STXBP5L: variants seen among roughly 807,000 people sequenced by gnomAD.
STXBP5L encodes the protein syntaxin binding protein 5L.
Under a neutral mutation model 144.5 loss-of-function variants are expected in STXBP5L, and 65 were observed. The ratio of observed to expected loss-of-function variants is 0.45; its 90% CI spans 0.37 to 0.55. STXBP5L has a LOEUF of 0.55. Ranked by LOEUF, STXBP5L falls within the 20% of genes least tolerant of loss-of-function variation. The pLI, the probability that STXBP5L is intolerant of heterozygous loss-of-function variation, is 0.00. For synonymous variants in STXBP5L, 505 were observed against 469.6 expected (o/e 1.08, Z -0.97); for missense variants, 1,298 against 1,405.5 (o/e 0.92, Z 1.22).
At chr3:121,254,579 C>T (rs968063859) in intron 15 of STXBP5L, among the ~76,000 whole-genome samples, 11 of 152,040 alleles carry the variant, frequency 7.2e-5, no homozygotes, top group Non-Finnish European at 1.6e-4. Flanking sequence ...CTTTCTGTGC[C>T]CCAATATTTT....
chr3:121,098,485 G>T (rs372240728), intron 5 of STXBP5L, among the ~76,000 whole-genome samples: 1 of 152,162 alleles, frequency 6.6e-6, no homozygotes, highest in Non-Finnish European at 1.5e-5. Context: ...TAATGAGTGA[G>T]TTCTGACTCT....
intron 3 of STXBP5L, among the ~76,000 whole-genome samples, chr3:121,033,509 C>T (rs536326206): frequency 7.4e-6 from 1 of 135,276 alleles, no homozygotes; most frequent in Non-Finnish European, 1.6e-5. Flanking sequence ...CAGCATGGCA[C>T]ATGTATACAT....
At chr3:121,164,043 C>G (rs761535234) in intron 9 of STXBP5L, among the ~76,000 whole-genome samples, 1 of 152,042 alleles carries the variant, frequency 6.6e-6, no homozygotes, top group South Asian at 2.1e-4. Context: ...TTCTTTTAAT[C>G]GTTTAATAAA....
intron 3 of STXBP5L, among the ~76,000 whole-genome samples, chr3:120,980,789 G>T (rs550516716): frequency 3.0e-4 from 45 of 152,176 alleles, no homozygotes; most frequent in South Asian, 2.5e-3. Context: ...TTGTGTAATT[G>T]TTTTATAAGT....
At chr3:121,318,835 T>C (rs1418140837) in intron 20 of STXBP5L, among the ~76,000 whole-genome samples, 1 of 152,178 alleles carries the variant, frequency 6.6e-6, no homozygotes, top group East Asian at 1.9e-4. Flanking sequence ...AAGTATTGAA[T>C]AAAAATTGGT....
At chr3:121,192,767 A>G (rs1309813896) in intron 9 of STXBP5L, among the ~76,000 whole-genome samples, 1 of 152,230 alleles carries the variant, frequency 6.6e-6, no homozygotes, top group African/African-American at 2.4e-5. Context: ...CTGGCTAGCC[A>G]TCTGTAGAGA....
chr3:121,063,866 G>A (rs2041409729), intron 5 of STXBP5L, among the ~76,000 whole-genome samples: 1 of 151,976 alleles, frequency 6.6e-6, no homozygotes, highest in African/African-American at 2.4e-5. Context: ...GTTTCAGATC[G>A]ACCTCAGACT....
chr3:121,333,497 G>A (rs2044397401), intron 20 of STXBP5L, among the ~76,000 whole-genome samples: 2 of 150,992 alleles, frequency 1.3e-5, no homozygotes, highest in African/African-American at 2.4e-5. Context: ...CAACCCCAAA[G>A]CAGAAGACAA....
At chr3:121,174,432 T>A (rs534315643) in intron 9 of STXBP5L, among the ~76,000 whole-genome samples, 6 of 152,236 alleles carry the variant, frequency 3.9e-5, no homozygotes, top group African/African-American at 1.4e-4. Context: ...CTCCAAAAAC[T>A]TCCAATATAC....
chr3:121,362,658 C>G (rs2045745983), intron 20 of STXBP5L, among the ~76,000 whole-genome samples: 1 of 152,060 alleles, frequency 6.6e-6, no homozygotes, highest in African/African-American at 2.4e-5. Flanking sequence ...CAGGACAGGT[C>G]TAGAAATGCC....
intron 4 of STXBP5L, among the ~76,000 whole-genome samples, chr3:121,043,558 A>G (rs1231469237): frequency 6.6e-6 from 1 of 152,058 alleles, no homozygotes; most frequent in East Asian, 1.9e-4. Flanking sequence ...AAATTACAAA[A>G]ATTAGTTGGA....
intron 20 of STXBP5L, among the ~76,000 whole-genome samples, chr3:121,353,710 C>T (rs769909021): frequency 1.5e-4 from 23 of 152,060 alleles, no homozygotes; most frequent in Non-Finnish European, 2.9e-4. Flanking sequence ...TTAGTTATTT[C>T]CTGCCTTCTG....
chr3:121,210,229 C>A (rs2048504365), intron 10 of STXBP5L, among the ~76,000 whole-genome samples: 1 of 152,128 alleles, frequency 6.6e-6, no homozygotes, highest in African/African-American at 2.4e-5. Flanking sequence ...GCATAAATGT[C>A]TTCTTTTGAG....
In STXBP5L at chr3:121,041,791, AT is replaced by A. The variant is rs753567499; in HGVS notation, c.369+16del. The A allele has an allele frequency of 1.3e-6, 2 of 1,598,094 alleles. No individual in the cohort carries two copies. The highest frequency in any genetic ancestry group is 2.2e-5 in the South Asian group (2 of 90,684). On this transcript the variant is annotated intron_variant, in intron 4 of 26. Coordinates refer to ENST00000471454, the MANE Select transcript of STXBP5L (RefSeq NM_001308330.2). ...ATTTTTGATCAATGAGGTAAGGATT[AT>A]TTTTTGACTACTTAAATCACACACT...
At chr3:120,989,044 C>T (rs1047484032) in intron 3 of STXBP5L, among the ~76,000 whole-genome samples, 1 of 152,028 alleles carries the variant, frequency 6.6e-6, no homozygotes. Flanking sequence ...ATATACACCA[C>T]ACTTTATTTC....
chr3:121,348,563 T>A (rs1486063355), intron 20 of STXBP5L, among the ~76,000 whole-genome samples: 4 of 152,118 alleles, frequency 2.6e-5, no homozygotes, highest in South Asian at 2.1e-4. Context: ...TCTGGTAGAA[T>A]TCAGCTGTGA....
chr3:120,968,885 C>G (rs1385588743), intron 3 of STXBP5L, among the ~76,000 whole-genome samples: 2 of 152,068 alleles, frequency 1.3e-5, no homozygotes, highest in African/African-American at 2.4e-5. Context: ...TATGTCATTC[C>G]TTTTTATGGC....
chr3:121,213,528 A>G (rs900597659), intron 10 of STXBP5L, among the ~76,000 whole-genome samples: 7 of 152,208 alleles, frequency 4.6e-5, no homozygotes, highest in African/African-American at 1.7e-4. Flanking sequence ...TGATTTGCAT[A>G]CATTGAATCA....
Position 121,180,040 on chromosome 3 carries a change from C to T in STXBP5L, c.877+22413C>T, listed in dbSNP as rs112558010. Among the ~76,000 whole-genome samples the T allele has an allele frequency of 2.9e-3, 439 of 152,176 alleles. 3 individuals are homozygous for T. The highest frequency in any genetic ancestry group is 8.7e-3 in the African/African-American group (363 of 41,508). On this transcript the variant is annotated intron_variant, in intron 9 of 26. Transcript: ENST00000471454. ...AAGGAATAATTGAGGAAAACTTTCC[C>T]GGCCTTACTAGAGATCTAGACATCC...
Sources: allele counts gnomAD v4.1 joint callset (sites outside exome capture counted in the v4.1 genomes callset), GRCh38; gene constraint gnomAD v4.1.1; transcripts MANE v1.5; gene names NCBI Gene and HGNC (gene_info 2026-07-23, HGNC 2026-07-21).